The following SNX24 variants were observed in gnomAD, a reference collection of about 807,000 sequenced individuals.
The protein encoded by SNX24 is sorting nexin 24, also known as sorting nexin-24.
In SNX24, 22 loss-of-function variants were observed where a neutral mutation model predicts 28.7. The observed-to-expected ratio is 0.77, with a 90% CI of 0.55 to 1.10. The LOEUF is 1.10. SNX24 is among the 50% of genes least tolerant of loss of function. The probability of loss-of-function intolerance (pLI) is 0.00; values close to 1 mark genes in which losing one functional copy is unlikely to be tolerated. For missense variants in SNX24, 221 were observed against 201.1 expected (o/e 1.10, Z -0.60); for synonymous variants, 69 against 71.5 (o/e 0.96, Z 0.18).
At chr5:122,918,382 A>G (rs763540892) in intron 1 of SNX24, among the ~76,000 whole-genome samples, 1 of 152,218 alleles carries the variant, frequency 6.6e-6, no homozygotes, top group African/African-American at 2.4e-5. Flanking sequence ...AGGCCAAATT[A>G]TATAATTTGG....
chr5:122,860,209 C>G (rs1755394235), intron 1 of SNX24, among the ~76,000 whole-genome samples: 1 of 152,154 alleles, frequency 6.6e-6, no homozygotes, highest in African/African-American at 2.4e-5. Context: ...TCTTCTTTCT[C>G]TCCTAATGTT....
At chr5:122,912,860 C>A (rs1221568484) in intron 1 of SNX24, among the ~76,000 whole-genome samples, 1 of 151,508 alleles carries the variant, frequency 6.6e-6, no homozygotes, top group African/African-American at 2.4e-5. Context: ...TCTGGTTTTC[C>A]TAGGCAGAGG....
At chr5:122,923,897 GAGAC>G (rs1758557752) in intron 1 of SNX24, among the ~76,000 whole-genome samples, 1 of 152,234 alleles carries the variant, frequency 6.6e-6, no homozygotes, top group Non-Finnish European at 1.5e-5. Flanking sequence ...GTGTGTGAGA[GAGAC>G]AGAAAACACT....
rs148636490 is a variant in SNX24 at position 122,904,655 on chromosome 5, T to A, written c.61-32079T>A. On this transcript the variant is annotated intron_variant, in intron 1 of 6. Coordinates refer to ENST00000261369, the MANE Select transcript of SNX24 (RefSeq NM_014035.4). Reference sequence around the variant, plus strand: ...GCTTTTTCTGTATTTTATAGACTCATTAATAATTTACATGATCATCAGATA... The same window carrying A: ...GCTTTTTCTGTATTTTATAGACTCAATAATAATTTACATGATCATCAGATA... Among the ~76,000 whole-genome samples, 395 of 152,340 alleles carry A rather than the reference T, an allele frequency of 2.6e-3. 1 individual carries two copies. The highest frequency in any genetic ancestry group is 9.1e-3 in the African/African-American group (380 of 41,578).
chr5:123,005,374 T>C (rs991593415), intron 6 of SNX24, among the ~76,000 whole-genome samples: 1 of 152,172 alleles, frequency 6.6e-6, no homozygotes, highest in Non-Finnish European at 1.5e-5. Context: ...TGTTCCTTCC[T>C]GCAAGTCATC....
rs139202089 is a variant in SNX24, at chr5:122,979,088, A to T, written c.250-20824A>T. 6.4e-3 allele frequency among the ~76,000 whole-genome samples: 969 copies of T among 152,196 alleles called. 13 individuals carry two copies. Among genetic ancestry groups the T allele is most frequent in the African/African-American group, 0.022 (912 of 41,522 alleles). On this transcript the variant is annotated intron_variant, in intron 3 of 6. Transcript: ENST00000261369. ...GAAAGAGCTACGTCTACCACTCTGG[A>T]TTTCACAGGTTACAATAGTAGTACC...
intron 3 of SNX24, among the ~76,000 whole-genome samples, chr5:122,987,184 TAAAAGG>T (rs944975785): frequency 4.0e-5 from 6 of 149,840 alleles, no homozygotes; most frequent in Non-Finnish European, 8.9e-5. Context: ...ATGAGGGAGA[TAAAAGG>T]AGAAGAGGAT....
chr5:122,954,197 C>CTATATA (rs1554075630), intron 3 of SNX24, among the ~76,000 whole-genome samples: 43 of 150,638 alleles, frequency 2.9e-4, no homozygotes, highest in African/African-American at 2.7e-4. Flanking sequence ...TTCTCTCTCT[C>CTATATA]TATATATATA....
At chr5:123,020,469 T>C (rs1217541588) in intron 5 of SNX24, among the ~76,000 whole-genome samples, 1 of 152,224 alleles carries the variant, frequency 6.6e-6, no homozygotes, top group African/African-American at 2.4e-5. Flanking sequence ...TACTCTGAGT[T>C]CTCTAACATC....
chr5:122,990,181 A>G (rs920945172), intron 3 of SNX24, among the ~76,000 whole-genome samples: 2 of 152,094 alleles, frequency 1.3e-5, no homozygotes, highest in Admixed American at 1.3e-4. Flanking sequence ...CTGTTGTCAC[A>G]CTCTCTAACC....
At chr5:122,954,629 G>A (rs1483017568) in intron 3 of SNX24, among the ~76,000 whole-genome samples, 1 of 151,338 alleles carries the variant, frequency 6.6e-6, no homozygotes, top group Non-Finnish European at 1.5e-5. Flanking sequence ...TTTTAACTCT[G>A]TTTACGCTAG....
intron 1 of SNX24, among the ~76,000 whole-genome samples, chr5:122,863,874 G>C (rs1755597286): frequency 6.6e-6 from 1 of 151,934 alleles, no homozygotes; most frequent in South Asian, 2.1e-4. Context: ...TTTTACTTTG[G>C]GAAGTAGGAG....
At chr5:122,940,958 C>G (rs1251285232) in intron 2 of SNX24, among the ~76,000 whole-genome samples, 1 of 152,192 alleles carries the variant, frequency 6.6e-6, no homozygotes, top group African/African-American at 2.4e-5. Flanking sequence ...CATTCCTCGT[C>G]TCGTGGCCTC....
intron 1 of SNX24, among the ~76,000 whole-genome samples, chr5:122,907,390 CCCT>C (rs1194774744): frequency 6.6e-6 from 1 of 152,134 alleles, no homozygotes; most frequent in Non-Finnish European, 1.5e-5. Flanking sequence ...GGGGAACACT[CCCT>C]CCTCAAGGGA....
intron 1 of SNX24, among the ~76,000 whole-genome samples, chr5:122,930,682 A>C (rs1405516641): frequency 6.6e-6 from 1 of 152,014 alleles, no homozygotes; most frequent in African/African-American, 2.4e-5. Flanking sequence ...TTGTTCTTTC[A>C]TCAGGGATTC....
intron 1 of SNX24, chr5:122,890,894 T>G: frequency 1.1e-6 from 1 of 929,008 alleles, no homozygotes; most frequent in Non-Finnish European, 1.4e-6. Flanking sequence ...TTGTACCTTT[T>G]CAGAAACAGG....
chr5:122,949,185 C>A (rs1239833113), intron 3 of SNX24, among the ~76,000 whole-genome samples: 2 of 152,082 alleles, frequency 1.3e-5, no homozygotes, highest in Admixed American at 6.5e-5. Flanking sequence ...TATTCCTTTG[C>A]TGGTCACCAA....
At chr5:123,001,800 G>T in intron 5 of SNX24, 140 bp from the exon 6 acceptor site, 1 of 705,742 alleles carries the variant, frequency 1.4e-6, no homozygotes. Context: ...TACTCTGCGT[G>T]CTATTATTCA....
intron 1 of SNX24, among the ~76,000 whole-genome samples, chr5:122,896,652 G>T (rs1757214507): frequency 1.3e-5 from 2 of 152,138 alleles, no homozygotes; most frequent in Non-Finnish European, 2.9e-5. Flanking sequence ...TCTCTCCATG[G>T]CCAAATTCAA....
Sources: gnomAD v4.1 joint callset for allele counts (sites outside exome capture counted in the v4.1 genomes callset) on GRCh38, gnomAD v4.1.1 for gene constraint, MANE v1.5 for transcripts, NCBI Gene and HGNC (gene_info 2026-07-23, HGNC 2026-07-21) for gene names.